The following LARP1 variants were observed in gnomAD, a reference collection of about 807,000 sequenced individuals.
LARP1 encodes la-related protein 1.
Under a neutral mutation model 122.7 loss-of-function variants are expected in LARP1, and 36 were observed. That is an observed-to-expected ratio of 0.29 (90% CI 0.22 to 0.39). LARP1 has a LOEUF of 0.39. Ranked by LOEUF, LARP1 falls within the 10% of genes least tolerant of loss-of-function variation. LARP1 has a pLI of 1.00. For synonymous variants in LARP1, 539 were observed against 528.7 expected (o/e 1.02, Z -0.27); for missense variants, 1,040 against 1,403.6 (o/e 0.74, Z 4.14).
chr5:154,684,729 C>T (rs182995274), intron 1 of LARP1, among the ~76,000 whole-genome samples: 1 of 152,268 alleles, frequency 6.6e-6, no homozygotes, highest in East Asian at 1.9e-4. Flanking sequence ...CCTCTCTGTG[C>T]CTCCATTTTT....
At chr5:154,750,251 C>T (rs1753416348) in intron 1 of LARP1, among the ~76,000 whole-genome samples, 1 of 152,152 alleles carries the variant, frequency 6.6e-6, no homozygotes, top group Non-Finnish European at 1.5e-5. Flanking sequence ...TGCAGTGGTG[C>T]AATCATGGCT....
chr5:154,812,157 G>A (rs765619707), intron 18 of LARP1, among the ~76,000 whole-genome samples: 4 of 152,130 alleles, frequency 2.6e-5, no homozygotes, highest in East Asian at 1.9e-4. Context: ...CTCTGTGCTC[G>A]GTGCTTTAGA....
In LARP1 at chr5:154,727,712, T is replaced by C. The variant is rs190221909; in HGVS notation, c.205+14582T>C. On this transcript the variant is annotated intron_variant, in intron 1 of 18. Coordinates refer to the LARP1 transcript ENST00000336314. ...TTAGCAAGATTTAATTATTCCACAA[T>C]GTATATATATTTTAAAACATCATGC... 5.3e-5 allele frequency among the ~76,000 whole-genome samples: 8 copies of C among 152,354 alleles called. No homozygotes were observed. The East Asian group carries it at 1.5e-3, about 29-fold the overall frequency.
At chr5:154,796,484 T>C (rs1757864146) in intron 8 of LARP1, among the ~76,000 whole-genome samples, 1 of 152,140 alleles carries the variant, frequency 6.6e-6, no homozygotes, top group Non-Finnish European at 1.5e-5. Context: ...GGCACAGGGA[T>C]GTCATTTTAA....
intron 1 of LARP1, among the ~76,000 whole-genome samples, chr5:154,730,425 G>A (rs1452148626): frequency 6.6e-6 from 1 of 150,674 alleles, no homozygotes; most frequent in African/African-American, 2.4e-5. Flanking sequence ...GTAGAAAAGT[G>A]CACAAATCTT....
chr5:154,762,183 C>T (rs1190857519), intron 1 of LARP1, among the ~76,000 whole-genome samples: 1 of 152,118 alleles, frequency 6.6e-6, no homozygotes, highest in African/African-American at 2.4e-5. Flanking sequence ...GCGGAGGTTG[C>T]AGTGAGCTGA....
chr5:154,716,268 C>T (rs999172571), intron 1 of LARP1, among the ~76,000 whole-genome samples: 5 of 152,036 alleles, frequency 3.3e-5, no homozygotes, highest in Admixed American at 2.0e-4. Flanking sequence ...TACAGGCGCC[C>T]GCCACCACGC....
At chr5:154,711,825 G>GGT (rs1755238411), upstream of LARP1, among the ~76,000 whole-genome samples, 21 of 152,140 alleles carry the variant, frequency 1.4e-4, no homozygotes, top group Admixed American at 1.4e-3. Context: ...ACTTGGGGTT[G>GGT]GTTCTCTGTG....
chr5:154,756,097 CG>C lies in LARP1; in HGVS notation c.343del (p.Asp115ThrfsTer10). The C allele has an allele frequency of 8.4e-7, 1 of 1,197,064 alleles. No individual in the cohort carries two copies. Among genetic ancestry groups the C allele is most frequent in the Non-Finnish European group, 1.1e-6 (1 of 942,900 alleles). 74.2% of individuals were successfully genotyped at this position (1,197,064 alleles called of 1,614,324 possible). The part of the protein sequence containing the change: ...GAAGAAGAGR[R>X]DFVEAPPPKV... Reference sequence around the variant, plus strand: ...TGCCGGAGCCGCGGGCGCGGGGCGCCGGGACTTCGTGGAAGCCCCCCCGCCC... The same window carrying C: ...TGCCGGAGCCGCGGGCGCGGGGCGCCGGACTTCGTGGAAGCCCCCCCGCCC... On this transcript the variant is annotated frameshift_variant, in exon 1 of 19. Transcript: ENST00000518297. LOFTEE classifies it high-confidence loss of function.
At chr5:154,739,851 A>T (rs1274727048) in intron 1 of LARP1, among the ~76,000 whole-genome samples, 3 of 152,140 alleles carry the variant, frequency 2.0e-5, no homozygotes, top group African/African-American at 7.2e-5. Flanking sequence ...GCTGGGATCC[A>T]CTGTCTCCTT....
At chr5:154,786,468 C>G in intron 1 of LARP1, 1 of 456,236 alleles carries the variant, frequency 2.2e-6, no homozygotes, top group Non-Finnish European at 4.4e-6. Flanking sequence ...GGTTTTCCTT[C>G]TCTTCCAGAT....
At chr5:154,716,568 C>T (rs1755521810) in intron 1 of LARP1, among the ~76,000 whole-genome samples, 1 of 152,114 alleles carries the variant, frequency 6.6e-6, no homozygotes, top group South Asian at 2.1e-4. Context: ...CCTGCCTCAG[C>T]CTCCCAAGTA....
chr5:154,692,175 G>A (rs1031556698), intron 1 of LARP1, among the ~76,000 whole-genome samples: 2 of 152,192 alleles, frequency 1.3e-5, no homozygotes, highest in Non-Finnish European at 2.9e-5. Flanking sequence ...GGTGGAGAAG[G>A]CCTATCTCCA....
intron 1 of LARP1, among the ~76,000 whole-genome samples, chr5:154,703,912 C>T (rs377046357): frequency 3.9e-5 from 6 of 152,110 alleles, no homozygotes; most frequent in Non-Finnish European, 7.4e-5. Context: ...TGAGCCACCG[C>T]GCCCAGCCAA....
Position 154,712,857 on chromosome 5 carries a change from G to T in LARP1, c.-69G>T. 4 of 1,386,222 alleles carry T rather than the reference G, an allele frequency of 2.9e-6. No homozygotes were observed. In the South Asian group the frequency reaches 3.6e-5, roughly 12 times the overall value. The allele number at this position is 1,386,222 out of a possible 1,614,324, so 85.9% of individuals were successfully genotyped here. ...AGAGCTCCCGGGCCAGAGCCAGGAGGCAGCTGTGCGATCTGGATGTACCTA... is the reference window on the plus strand; with the variant it reads ...AGAGCTCCCGGGCCAGAGCCAGGAGTCAGCTGTGCGATCTGGATGTACCTA... On this transcript the variant is annotated 5_prime_UTR_variant, in exon 1 of 19. Transcript: ENST00000336314.
At chr5:154,782,962 C>A (rs1433182469) in intron 1 of LARP1, among the ~76,000 whole-genome samples, 1 of 152,154 alleles carries the variant, frequency 6.6e-6, no homozygotes, top group South Asian at 2.1e-4. Flanking sequence ...TCCACCCCAT[C>A]CCCAGGATGA....
chr5:154,737,566 C>T (rs1246888376), intron 1 of LARP1, among the ~76,000 whole-genome samples: 4 of 151,092 alleles, frequency 2.6e-5, no homozygotes, highest in African/African-American at 7.3e-5. Flanking sequence ...CTCAGTCTCC[C>T]GAGTAGCTGG....
chr5:154,804,970 A>G, intron 14 of LARP1: 1 of 453,846 alleles, frequency 2.2e-6, no homozygotes, highest in Non-Finnish European at 4.4e-6. Flanking sequence ...ATCCGTGTAT[A>G]ACTTTTGACT....
intron 1 of LARP1, among the ~76,000 whole-genome samples, chr5:154,766,479 A>C (rs896377290): frequency 6.6e-6 from 1 of 152,204 alleles, no homozygotes; most frequent in Non-Finnish European, 1.5e-5. Context: ...GGTTTATGGG[A>C]TATCTCAGAC....
Sources: allele counts gnomAD v4.1 joint callset (sites outside exome capture counted in the v4.1 genomes callset), GRCh38; gene constraint gnomAD v4.1.1; transcripts MANE v1.5; gene names NCBI Gene and HGNC (gene_info 2026-07-23, HGNC 2026-07-21).